Variants in AXDND1 observed in about 807,000 individuals in gnomAD.
The protein encoded by AXDND1 is axonemal dynein light chain domain containing 1, also known as axonemal dynein light chain domain-containing protein 1.
A neutral mutation model predicts 137.5 loss-of-function variants in AXDND1; 110 were observed. That is an observed-to-expected ratio of 0.80 (90% CI 0.69 to 0.94). The LOEUF is 0.94. AXDND1 is among the 40% of genes least tolerant of loss of function. The pLI, the probability that AXDND1 is intolerant of heterozygous loss-of-function variation, is 0.00. For synonymous variants in AXDND1, 414 were observed against 399.7 expected, an observed-to-expected ratio of 1.04 and a Z score of -0.43; for missense variants, 1,191 against 1,169.8, an observed-to-expected ratio of 1.02 and a Z score of -0.26.
intron 6 of AXDND1, among the ~76,000 whole-genome samples, chr1:179,380,100 A>G (rs1377542054): frequency 1.3e-5 from 2 of 150,280 alleles, no homozygotes; most frequent in Non-Finnish European, 3.0e-5. Context: ...ATACAAAAAA[A>G]TAGCCGGGCG....
At position 179,398,951 on chromosome 1, in the gene AXDND1, T is replaced by A. The variant is rs567610270; in HGVS notation, c.1109+3749T>A. 2.0e-5 allele frequency among the ~76,000 whole-genome samples: 3 copies of A among 152,118 alleles called. No individual in the cohort carries two copies. In the South Asian group the frequency reaches 6.2e-4, roughly 32 times the overall value. On this transcript the variant is annotated intron_variant, in intron 11 of 25. Transcript: ENST00000367618. ...GGGTGTATGCACACATGCATGCTGG[T>A]GAGGCAAGGAAAGCAAAACATGCCT... is the stretch of plus-strand genomic sequence containing the variant.
At chr1:179,466,260 CT>C (rs1663156054) in intron 16 of AXDND1, among the ~76,000 whole-genome samples, 2 of 141,502 alleles carry the variant, frequency 1.4e-5, no homozygotes, top group African/African-American at 5.2e-5. Flanking sequence ...CTCCTCTTTT[CT>C]TTTCTTTCTT....
At chr1:179,385,119 A>C in intron 8 of AXDND1, 119 bp from the exon 9 acceptor site, 1 of 856,244 alleles carries the variant, frequency 1.2e-6, no homozygotes, top group Non-Finnish European at 1.8e-6. Flanking sequence ...TGAAAATGTA[A>C]GTGAAATAAA....
intron 15 of AXDND1, among the ~76,000 whole-genome samples, chr1:179,441,287 A>G (rs1189436650): frequency 6.6e-6 from 1 of 152,200 alleles, no homozygotes; most frequent in African/African-American, 2.4e-5. Context: ...CTATCCTAAC[A>G]TATGGCGGCA....
At chr1:179,410,672 G>A (rs1653734849) in intron 11 of AXDND1, among the ~76,000 whole-genome samples, 1 of 152,172 alleles carries the variant, frequency 6.6e-6, no homozygotes, top group African/African-American at 2.4e-5. Context: ...CTTTAATCTT[G>A]TACTAATTAT....
At chr1:179,460,327 A>T (rs1489729756) in intron 16 of AXDND1, among the ~76,000 whole-genome samples, 7 of 152,154 alleles carry the variant, frequency 4.6e-5, no homozygotes, top group African/African-American at 7.2e-5. Context: ...TTTGCTGAGA[A>T]TGATGGTTTC....
intron 20 of AXDND1, among the ~76,000 whole-genome samples, chr1:179,505,825 G>A (rs1332196686): frequency 2.0e-5 from 3 of 152,066 alleles, no homozygotes; most frequent in African/African-American, 7.2e-5. Flanking sequence ...GAGTACTAAG[G>A]CAGTCCAGGG....
intron 6 of AXDND1, among the ~76,000 whole-genome samples, chr1:179,379,758 T>C (rs1647912838): frequency 7.7e-6 from 1 of 130,426 alleles, no homozygotes; most frequent in South Asian, 2.3e-4. Context: ...ATTGCACCAT[T>C]ACACTCCAGC....
chr1:179,527,972 C>T (rs1013884145), intron 22 of AXDND1, among the ~76,000 whole-genome samples: 1 of 152,154 alleles, frequency 6.6e-6, no homozygotes, highest in Admixed American at 6.5e-5. Context: ...GAAGGCATGA[C>T]CCTTTTCTGG....
chr1:179,498,717 C>CA (rs1200952276), intron 20 of AXDND1, among the ~76,000 whole-genome samples: 2 of 151,960 alleles, frequency 1.3e-5, no homozygotes, highest in African/African-American at 4.8e-5. Context: ...ATAGGGAACT[C>CA]AAACAAATCA....
At chr1:179,424,196 C>T (rs180910308) in intron 12 of AXDND1, among the ~76,000 whole-genome samples, 3 of 152,004 alleles carry the variant, frequency 2.0e-5, no homozygotes, top group Non-Finnish European at 1.5e-5. Context: ...CTCCTTCCTG[C>T]CCTGTATGGT....
intron 16 of AXDND1, chr1:179,448,645 T>C (rs11580135): frequency 0.66 from 143,414 of 218,578 alleles, 47,420 homozygotes; most frequent in Middle Eastern, 0.7. Context: ...CCGCACTGCC[T>C]GGAGCCGCCT....
chr1:179,490,503 A>G (rs1666745021), intron 18 of AXDND1, among the ~76,000 whole-genome samples: 1 of 152,202 alleles, frequency 6.6e-6, no homozygotes, highest in Admixed American at 6.5e-5. Context: ...CAAAAGAAAT[A>G]CCTCACAGTT....
intron 13 of AXDND1, among the ~76,000 whole-genome samples, chr1:179,430,002 A>C (rs989953344): frequency 1.3e-5 from 2 of 150,552 alleles, no homozygotes; most frequent in African/African-American, 4.9e-5. Flanking sequence ...GAGTCAAAGC[A>C]TTTACACTAG....
chr1:179,432,255 T>C lies in AXDND1; in HGVS notation c.1488-12T>C, dbSNP rs753215964. 4.0e-6 allele frequency: 6 copies of C among 1,517,858 alleles called. No individual in the cohort carries two copies. The highest frequency in any genetic ancestry group is 2.2e-5 in the Admixed American group (1 of 46,314). The allele number at this position is 1,517,858 out of a possible 1,614,324, so 94.0% of individuals were successfully genotyped here. On this transcript the variant is annotated splice_polypyrimidine_tract_variant and intron_variant, in intron 14 of 25. Transcript: ENST00000367618. The stretch of plus-strand genomic sequence containing the variant: ...TCTGAGATGTTTCTCTTTTTTTTTT[T>C]CTTCTTTTCAGTGAAAAAGACATTT...
intron 21 of AXDND1, among the ~76,000 whole-genome samples, chr1:179,516,778 T>A (rs927628506): frequency 3.3e-5 from 5 of 152,022 alleles, no homozygotes; most frequent in Admixed American, 6.6e-5. Flanking sequence ...GTGCTGGGGG[T>A]TATCTGCACA....
chr1:179,525,576 A>G, intron 22 of AXDND1, 129 bp downstream of exon 22: 3 of 1,111,360 alleles, frequency 2.7e-6, no homozygotes. Context: ...AGCTCACTGT[A>G]ACCTCGAACT....
chr1:179,418,684 C>T (rs1655112866), intron 12 of AXDND1, among the ~76,000 whole-genome samples: 2 of 151,386 alleles, frequency 1.3e-5, no homozygotes. Flanking sequence ...CCACCACCTC[C>T]CTCCCGGACG....
intron 21 of AXDND1, among the ~76,000 whole-genome samples, chr1:179,518,465 T>A (rs1669759539): frequency 6.6e-6 from 1 of 152,030 alleles, no homozygotes; most frequent in African/African-American, 2.4e-5. Flanking sequence ...TGGAGGTTTG[T>A]TGTACAGATT....
Sources: allele counts gnomAD v4.1 joint callset (sites outside exome capture counted in the v4.1 genomes callset), GRCh38; gene constraint gnomAD v4.1.1; transcripts MANE v1.5; gene names NCBI Gene and HGNC (gene_info 2026-07-23, HGNC 2026-07-21).